The following TARBP1 variants were observed in gnomAD, a reference collection of about 807,000 sequenced individuals.
The protein encoded by TARBP1 is tRNA guanosine 2 -O-methyltransferase TARBP1.
In TARBP1, 144 loss-of-function variants were observed where a neutral mutation model predicts 178.6. The observed-to-expected ratio is 0.81, with a 90% CI of 0.70 to 0.93. The LOEUF (loss-of-function observed/expected upper bound fraction) is 0.93. Ranked by LOEUF, TARBP1 falls within the 40% of genes least tolerant of loss-of-function variation. The pLI is 0.00. For synonymous variants in TARBP1, 787 were observed against 781.0 expected (o/e 1.01, Z -0.13); for missense variants, 2,067 against 2,011.7 (o/e 1.03, Z -0.53).
At position 234,406,113 on chromosome 1, in the gene TARBP1, CA is replaced by C; in HGVS notation, c.3793-15del. ...CAGAATTAGTTTCTGAAAAGAAAGG[CA>C]AAAAATTCCTCAAAACACAGACATG... On this transcript the variant is annotated splice_polypyrimidine_tract_variant and intron_variant, in intron 23 of 29. Transcript: ENST00000040877. The C allele has an allele frequency of 6.2e-7, 1 of 1,609,524 alleles. No individual in the cohort carries two copies. Among genetic ancestry groups the C allele is most frequent in the Non-Finnish European group, 8.5e-7 (1 of 1,178,186 alleles).
intron 12 of TARBP1, among the ~76,000 whole-genome samples, chr1:234,441,152 C>A (rs1665554239): frequency 6.6e-6 from 1 of 152,182 alleles, no homozygotes; most frequent in East Asian, 1.9e-4. Flanking sequence ...CCACTGTACT[C>A]CAGCCTGGGT....
intron 4 of TARBP1, among the ~76,000 whole-genome samples, chr1:234,466,013 A>C (rs991787776): frequency 1.3e-5 from 2 of 152,192 alleles, no homozygotes; most frequent in Non-Finnish European, 2.9e-5. Context: ...ATGCTAGAAA[A>C]TAAAGGTAAT....
intron 16 of TARBP1, 22 bp from the exon 17 acceptor site, chr1:234,429,346 C>T (rs1392007900): frequency 7.8e-6 from 12 of 1,542,324 alleles, no homozygotes; most frequent in Non-Finnish European, 1.0e-5. Flanking sequence ...AAAAAAAATA[C>T]ATACTTATTT....
intron 1 of TARBP1, among the ~76,000 whole-genome samples, chr1:234,475,669 T>C (rs774158489): frequency 1.3e-5 from 2 of 152,182 alleles, no homozygotes; most frequent in South Asian, 4.1e-4. Context: ...CTCAGACACA[T>C]GGGGCCTAAA....
intron 20 of TARBP1, among the ~76,000 whole-genome samples, chr1:234,424,948 C>T (rs537548014): frequency 6.6e-6 from 1 of 152,214 alleles, no homozygotes; most frequent in Admixed American, 6.5e-5. Flanking sequence ...GTAGTCCCAG[C>T]TACTCGGGAG....
chr1:234,425,980 T>C (rs192202245), intron 19 of TARBP1, among the ~76,000 whole-genome samples, 187 bp from the exon 20 acceptor site: 6 of 152,338 alleles, frequency 3.9e-5, no homozygotes, highest in African/African-American at 1.2e-4. Flanking sequence ...ATGAATATAT[T>C]ACAAGGAGGG....
chr1:234,426,636 C>T (rs1380477647), intron 19 of TARBP1, among the ~76,000 whole-genome samples: 2 of 152,094 alleles, frequency 1.3e-5, no homozygotes, highest in African/African-American at 4.8e-5. Context: ...TGATACAATG[C>T]TATTTTAATC....
intron 28 of TARBP1, chr1:234,392,871 C>T (rs953885478): frequency 2.3e-4 from 40 of 170,582 alleles, no homozygotes; most frequent in Middle Eastern, 2.4e-3. Context: ...CCACCACGCC[C>T]GGCTAATTTT....
chr1:234,468,743 A>C (rs774454139), intron 3 of TARBP1, among the ~76,000 whole-genome samples: 2 of 151,692 alleles, frequency 1.3e-5, no homozygotes, highest in Non-Finnish European at 1.5e-5. Flanking sequence ...CACTCCACAC[A>C]CCAACTCTGC....
At chr1:234,462,681 T>C (rs139891337) in intron 6 of TARBP1, among the ~76,000 whole-genome samples, 1,205 of 89,794 alleles carry the variant, frequency 0.013, 19 homozygotes, top group African/African-American at 0.054. Context: ...GAGCAAGACT[T>C]CATCTCAAAA....
At position 234,393,697 on chromosome 1, in the gene TARBP1, T is replaced by C. The variant is rs1258351634; in HGVS notation, c.4384A>G (p.Ser1462Gly). The change falls in exon 27 of 30, where the codon AGT becomes GGT. Residue 1462 changes from serine (S) to glycine (G), a missense_variant. Physicochemically the swap from Ser to Gly is moderately conservative, Grantham distance 56. Coordinates refer to ENST00000040877, the MANE Select transcript of TARBP1 (RefSeq NM_005646.4). ...AGCGAGGCCACAACGATGAGTCTAC[T>C]AATTGACTTTCCAAGTCTGGCAGCA... ...DRAARLGKSI[S>G]RLIVVASLID... The C allele has an allele frequency of 1.2e-6, 2 of 1,613,908 alleles. No homozygotes were observed. Among genetic ancestry groups the C allele is most frequent in the East Asian group, 2.2e-5 (1 of 44,902 alleles).
At position 234,393,449 on chromosome 1, in the gene TARBP1, C is replaced by T. The variant is rs761809322; in HGVS notation, c.4473G>A (p.Val1491=). ...CRTCEVFGAS[V]LVVGSLQCIS... is the part of the protein sequence containing the mutation. ...TACACTGAAGGCTGCCAACAACGAGCACTGAAGCCCCAAATACCTCACAGG... is the reference window on the plus strand; with the variant it reads ...TACACTGAAGGCTGCCAACAACGAGTACTGAAGCCCCAAATACCTCACAGG... The change falls in exon 28 of 30, where the codon GTG becomes GTA. Residue 1491 remains valine, a synonymous_variant. Coordinates refer to ENST00000040877, the MANE Select transcript of TARBP1 (RefSeq NM_005646.4). 1 of 1,608,854 alleles carries T rather than the reference C, an allele frequency of 6.2e-7. No individual in the cohort carries two copies. The highest frequency in any genetic ancestry group is 8.5e-7 in the Non-Finnish European group (1 of 1,177,248).
intron 21 of TARBP1, among the ~76,000 whole-genome samples, chr1:234,419,261 T>C (rs551177321): frequency 5.9e-5 from 9 of 152,288 alleles, no homozygotes; most frequent in Non-Finnish European, 1.2e-4. Context: ...AAATCTATCT[T>C]ACACGAATTT....
At chr1:234,468,928 C>T (rs1325974846) in intron 3 of TARBP1, among the ~76,000 whole-genome samples, 1 of 151,732 alleles carries the variant, frequency 6.6e-6, no homozygotes, top group Admixed American at 6.6e-5. Flanking sequence ...TTGTCTGTTC[C>T]CCTCATATAT....
chr1:234,469,076 TTAAAAAAAA>T lies in TARBP1; in HGVS notation c.1100-1435_1100-1427del, dbSNP rs1167679566. On this transcript the variant is annotated intron_variant, in intron 3 of 29. Transcript: ENST00000040877. ...GGTTTTTGCCTTTTTTTTTTTTTTT[TTAAAAAAAA>T]AAAAAAGGCAAAAACCGCAACGACT... Among the ~76,000 whole-genome samples, 32 of 12,274 alleles carry T rather than the reference TTAAAAAAAA, an allele frequency of 2.6e-3. 1 individual carries two copies. In the South Asian group the frequency reaches 0.029, roughly 11 times the overall value. The allele number at this position is 12,274 out of a possible 152,430, so 8.1% of individuals were successfully genotyped here.
intron 25 of TARBP1, among the ~76,000 whole-genome samples, chr1:234,399,875 G>C (rs1466565437): frequency 7.5e-5 from 10 of 132,770 alleles, no homozygotes; most frequent in Middle Eastern, 7.5e-3. Flanking sequence ...TTACACTCTG[G>C]GGACTGTTGT....
At position 234,427,310 on chromosome 1, in the gene TARBP1, T is replaced by C. The variant is rs370005255; in HGVS notation, c.3323+7A>G. 95 of 1,601,138 alleles carry C rather than the reference T, an allele frequency of 5.9e-5. No individual in the cohort carries two copies. The highest frequency in any genetic ancestry group is 7.5e-5 in the Non-Finnish European group (88 of 1,170,622). On this transcript the variant is annotated splice_region_variant and intron_variant, in intron 19 of 29. Transcript: ENST00000040877. ...ATGTGAAGACAGAGAAAATCTACCA[T>C]ACTTACTTTTCCATAACAATATTTG...
chr1:234,424,411 T>G (rs1371282479), intron 20 of TARBP1, among the ~76,000 whole-genome samples: 1 of 152,248 alleles, frequency 6.6e-6, no homozygotes, highest in East Asian at 1.9e-4. Context: ...CTAACTGGAT[T>G]GTTTTTATCT....
chr1:234,431,012 G>A (rs1664380501), intron 14 of TARBP1, among the ~76,000 whole-genome samples: 1 of 152,218 alleles, frequency 6.6e-6, no homozygotes, highest in South Asian at 2.1e-4. Context: ...GGAAAGGAGG[G>A]TAGCCAAGAC....
Sources: allele counts gnomAD v4.1 joint callset (sites outside exome capture counted in the v4.1 genomes callset), GRCh38; gene constraint gnomAD v4.1.1; transcripts MANE v1.5; gene names NCBI Gene and HGNC (gene_info 2026-07-23, HGNC 2026-07-21).